Variants in FAM227B observed in about 807,000 individuals in gnomAD.
FAM227B encodes family with sequence similarity 227 member B, also known as protein FAM227B.
In FAM227B, 88 loss-of-function variants were observed where a neutral mutation model predicts 73.8. That is an observed-to-expected ratio of 1.19 (90% CI 1.00 to 1.42). The LOEUF is 1.42. Ranked by LOEUF, FAM227B falls within the 40% of genes most tolerant of loss-of-function variation. FAM227B has a pLI of 0.00. For synonymous variants in FAM227B, 210 were observed against 190.5 expected (o/e 1.10, Z -0.84); for missense variants, 632 against 590.9 (o/e 1.07, Z -0.72).
rs149665358 is a variant in FAM227B, at chr15:49,589,935, C to T, written c.178G>A (p.Asp60Asn). 1 of 1,606,358 alleles carries T rather than the reference C, an allele frequency of 6.2e-7. No homozygotes were observed. Among genetic ancestry groups the T allele is most frequent in the Non-Finnish European group, 8.5e-7 (1 of 1,173,198 alleles). ...GTATAAATTGAAACAAATGAACTAT[C>T]TTCTTTTATTTTTTTCAGAGTGCAT... is the stretch of plus-strand genomic sequence containing the variant. ...WSCTLKKIKE[D>N]SSFVSIYTHL... Residue 60 changes from aspartate to asparagine, a missense_variant, in exon 4 of 16, where the codon GAT (aspartate) becomes AAT (asparagine). Asp to Asn is a conservative substitution (Grantham distance 23). Coordinates refer to ENST00000299338, the MANE Select transcript of FAM227B (RefSeq NM_152647.3).
chr15:49,486,923 A>AT (rs1286276889), intron 11 of FAM227B: 2 of 151,968 alleles, frequency 1.3e-5, no homozygotes, highest in Non-Finnish European at 2.9e-5. Flanking sequence ...AGTCTAGGAA[A>AT]TTGAGATTTT....
chr15:49,574,478 CCTTT>C (rs1442320239), intron 8 of FAM227B, among the ~76,000 whole-genome samples: 1 of 152,112 alleles, frequency 6.6e-6, no homozygotes, highest in Admixed American at 6.6e-5. Context: ...CTTGCCCTTC[CCTTT>C]CTGTCTTTCC....
At chr15:49,411,119 T>C (rs899452242) in intron 11 of FAM227B, among the ~76,000 whole-genome samples, 8 of 150,700 alleles carry the variant, frequency 5.3e-5, no homozygotes, top group African/African-American at 1.9e-4. Context: ...GGAGGTTGGA[T>C]AGGATAAAAA....
At chr15:49,368,532 T>C (rs937822924) in intron 12 of FAM227B, among the ~76,000 whole-genome samples, 1 of 152,194 alleles carries the variant, frequency 6.6e-6, no homozygotes, top group Non-Finnish European at 1.5e-5. Context: ...TCATAATCAA[T>C]AGCAATTCTT....
intron 5 of FAM227B, among the ~76,000 whole-genome samples, chr15:49,584,886 C>G (rs937662376): frequency 6.6e-6 from 1 of 152,034 alleles, no homozygotes; most frequent in African/African-American, 2.4e-5. Context: ...AAAGAAACTA[C>G]CATCAGAGTG....
chr15:49,519,022 G>T (rs1422165094), intron 10 of FAM227B, among the ~76,000 whole-genome samples: 1 of 152,208 alleles, frequency 6.6e-6, no homozygotes, highest in Non-Finnish European at 1.5e-5. Flanking sequence ...AAATACACCT[G>T]TTCCAAATGG....
intron 5 of FAM227B, among the ~76,000 whole-genome samples, chr15:49,584,709 C>T (rs968032735): frequency 6.6e-6 from 1 of 152,044 alleles, no homozygotes; most frequent in Admixed American, 6.6e-5. Flanking sequence ...TCCTATATAC[C>T]AACAACACTC....
chr15:49,441,027 C>T (rs950335508), intron 11 of FAM227B, among the ~76,000 whole-genome samples: 1 of 151,808 alleles, frequency 6.6e-6, no homozygotes, highest in Middle Eastern at 3.4e-3. Context: ...GTGTAAATTA[C>T]CACCAAAACA....
rs757500937 is a variant in FAM227B at position 49,568,286 on chromosome 15, A to G, written c.706T>C (p.Phe236Leu). ...TTTCGACTTAGAGGTATGCTCATGA[A>G]AAGTGTCACATAACTTTCTGAAATT... ...DRISESYVTL[F>L]MSIPLSRKDA... The change falls in exon 9 of 16, where the codon TTC (phenylalanine) becomes CTC (leucine). Residue 236 changes from phenylalanine (F) to leucine (L), a missense_variant. Coordinates refer to ENST00000299338, the MANE Select transcript of FAM227B (RefSeq NM_152647.3). The G allele has an allele frequency of 6.2e-7, 1 of 1,610,636 alleles. No homozygotes were observed. The highest frequency in any genetic ancestry group is 1.1e-5 in the South Asian group (1 of 90,560).
chr15:49,474,488 TGACA>T (rs377354981), intron 11 of FAM227B, among the ~76,000 whole-genome samples: 16 of 152,184 alleles, frequency 1.1e-4, no homozygotes, highest in South Asian at 1.0e-3. Context: ...ATTATATAGC[TGACA>T]GACAGGTAAA....
intron 3 of FAM227B, among the ~76,000 whole-genome samples, chr15:49,592,710 G>A (rs1416128363): frequency 6.6e-6 from 1 of 152,194 alleles, no homozygotes; most frequent in Non-Finnish European, 1.5e-5. Context: ...GAGAACCACT[G>A]CTCTCTTCAG....
In FAM227B at chr15:49,590,005, ATCCTGC is replaced by A. The variant is rs1174742281; in HGVS notation, c.106-4_107del. 6.6e-7 allele frequency: 1 copy of A among 1,518,874 alleles called. No individual in the cohort carries two copies. The highest frequency in any genetic ancestry group is 1.1e-5 in the South Asian group (1 of 87,890). The allele number at this position is 1,518,874 out of a possible 1,614,324, so 94.1% of individuals were successfully genotyped here. A position where few individuals can be genotyped will look rare whatever the true frequency, so the allele number is the denominator to read the frequency against. On this transcript the variant is annotated splice_acceptor_variant and splice_polypyrimidine_tract_variant and coding_sequence_variant and intron_variant, in exon 4 of 16. Coordinates refer to ENST00000299338, the MANE Select transcript of FAM227B (RefSeq NM_152647.3). LOFTEE classifies it high-confidence loss of function. ...TAAAATGGATTTCCCTTGGCCAATA[ATCCTGC>A]AAAAAACGTGAAAGAGAGAATATAG...
chr15:49,347,129 T>C (rs768133588), intron 13 of FAM227B, among the ~76,000 whole-genome samples: 6 of 152,204 alleles, frequency 3.9e-5, no homozygotes, highest in Admixed American at 3.9e-4. Flanking sequence ...TTATCAGCAG[T>C]TTTGTAGTAT....
Position 49,500,433 on chromosome 15 carries a change from G to A in FAM227B, c.1012+7778C>T, listed in dbSNP as rs537476894. 2.6e-5 allele frequency among the ~76,000 whole-genome samples: 4 copies of A among 152,348 alleles called. No individual in the cohort carries two copies. In the East Asian group the frequency reaches 5.8e-4, roughly 22 times the overall value. On this transcript the variant is annotated intron_variant, in intron 11 of 15. Coordinates refer to ENST00000299338, the MANE Select transcript of FAM227B (RefSeq NM_152647.3). Reference sequence around the variant, plus strand: ...TCCTTTGCACCAGTGTGCCCTAGATGTGGGACATAAAGTCAAAGGAGGTTA... The same window carrying A: ...TCCTTTGCACCAGTGTGCCCTAGATATGGGACATAAAGTCAAAGGAGGTTA...
intron 9 of FAM227B, among the ~76,000 whole-genome samples, chr15:49,551,052 G>A (rs2072918104): frequency 6.6e-6 from 1 of 152,266 alleles, no homozygotes; most frequent in Non-Finnish European, 1.5e-5. Context: ...GGCCGAGGCT[G>A]GCGGATCACT....
At chr15:49,540,883 C>T (rs2070973942) in intron 10 of FAM227B, among the ~76,000 whole-genome samples, 1 of 151,988 alleles carries the variant, frequency 6.6e-6, no homozygotes, top group African/African-American at 2.4e-5. Context: ...GAGATTCTTA[C>T]CCGTGTGTAT....
chr15:49,533,068 A>G (rs754607307), intron 10 of FAM227B, among the ~76,000 whole-genome samples: 2 of 151,906 alleles, frequency 1.3e-5, no homozygotes, highest in Non-Finnish European at 2.9e-5. Context: ...CTTTTGTTGT[A>G]TCCCATAAGT....
At chr15:49,472,785 G>A (rs540428849) in intron 11 of FAM227B, among the ~76,000 whole-genome samples, 2 of 152,180 alleles carry the variant, frequency 1.3e-5, no homozygotes, top group South Asian at 2.1e-4. Flanking sequence ...AACTTCAAAT[G>A]GGTAGAAAAA....
chr15:49,396,623 G>A (rs1596859289), intron 11 of FAM227B, among the ~76,000 whole-genome samples: 1 of 152,038 alleles, frequency 6.6e-6, no homozygotes, highest in South Asian at 2.1e-4. Flanking sequence ...GAGAGCAGTG[G>A]TTCTCCCAGC....
Sources: gnomAD v4.1 joint callset for allele counts (sites outside exome capture counted in the v4.1 genomes callset) on GRCh38, gnomAD v4.1.1 for gene constraint, MANE v1.5 for transcripts, NCBI Gene and HGNC (gene_info 2026-07-23, HGNC 2026-07-21) for gene names.